The following MYCBP2 variants were observed in gnomAD, a reference collection of about 807,000 sequenced individuals.
MYCBP2 encodes MYC binding protein 2, also known as E3 ubiquitin-protein ligase MYCBP2.
A neutral mutation model predicts 525.3 loss-of-function variants in MYCBP2; 120 were observed. That is an observed-to-expected ratio of 0.23 (90% CI 0.20 to 0.27). The LOEUF is 0.27. Ranked by LOEUF, MYCBP2 falls within the 10% of genes least tolerant of loss-of-function variation. The probability of loss-of-function intolerance (pLI) is 1.00; values close to 1 mark genes in which losing one functional copy is unlikely to be tolerated. For synonymous variants in MYCBP2, 1,894 were observed against 1,955.8 expected (o/e 0.97, Z 0.83); for missense variants, 4,149 against 5,657.1 (o/e 0.73, Z 8.55).
intron 41 of MYCBP2, among the ~76,000 whole-genome samples, 158 bp from the exon 42 acceptor site, chr13:77,165,549 A>T (rs1247189508): frequency 6.6e-6 from 1 of 152,160 alleles, no homozygotes; most frequent in Non-Finnish European, 1.5e-5. Flanking sequence ...GAGCGTTCCT[A>T]TATCTACTTG....
chr13:77,077,357 C>T lies in MYCBP2; in HGVS notation c.11515G>A (p.Val3839Ile). ...TCCCCTCCTGGAAGTTCACTTGTTA[C>T]CCAGCCAATGTGCCTGGAATCCAGA... ...VDLDSRHIGW[V>I]TSELPGGDNH... The change falls in exon 67 of 83, where the codon GTA becomes ATA. Residue 3839 changes from valine to isoleucine, a missense_variant. Coordinates refer to ENST00000544440, the MANE Select transcript of MYCBP2 (RefSeq NM_015057.5). 6.2e-7 allele frequency: 1 copy of T among 1,613,966 alleles called. No individual in the cohort carries two copies. Among genetic ancestry groups the T allele is most frequent in the South Asian group, 1.1e-5 (1 of 91,086 alleles).
chr13:77,260,534 T>C lies in MYCBP2; in HGVS notation c.1911A>G (p.Gly637=), dbSNP rs1347563132. The C allele has an allele frequency of 6.2e-7, 1 of 1,610,992 alleles. No individual in the cohort carries two copies. Among genetic ancestry groups the C allele is most frequent in the Admixed American group, 1.7e-5 (1 of 59,498 alleles). Residue 637 remains glycine, a synonymous_variant, in exon 13 of 83, where the codon GGA becomes GGG. Transcript: ENST00000544440. ...TGCAGGCTGTATATACCACAATCTTTCCTTCCATCTTAATTATCTTTTTAG... is the reference window on the plus strand; with the variant it reads ...TGCAGGCTGTATATACCACAATCTTCCCTTCCATCTTAATTATCTTTTTAG... ...YKPKKIIKME[G]KIVVYTACNN... is the part of the protein sequence containing the mutation.
chr13:77,171,151 T>C (rs1354081536), intron 38 of MYCBP2, among the ~76,000 whole-genome samples: 2 of 152,128 alleles, frequency 1.3e-5, no homozygotes, highest in African/African-American at 4.8e-5. Flanking sequence ...GAGTTTTGGG[T>C]GGATAGCGAT....
intron 21 of MYCBP2, among the ~76,000 whole-genome samples, chr13:77,213,231 T>C (rs2064288101): frequency 6.6e-6 from 1 of 152,130 alleles, no homozygotes; most frequent in African/African-American, 2.4e-5. Flanking sequence ...TCCCAGCACT[T>C]TGGGAGGCCG....
At chr13:77,255,765 T>C (rs765195356) in intron 14 of MYCBP2, among the ~76,000 whole-genome samples, 13 of 151,912 alleles carry the variant, frequency 8.6e-5, no homozygotes, top group Non-Finnish European at 1.8e-4. Context: ...AGACAAAGAA[T>C]GGTGGGTTTC....
intron 4 of MYCBP2, among the ~76,000 whole-genome samples, chr13:77,274,716 A>G (rs900453809): frequency 3.3e-5 from 5 of 152,122 alleles, no homozygotes; most frequent in African/African-American, 9.7e-5. Context: ...CCATGCTATC[A>G]TCATCTCTTT....
chr13:77,159,804 G>T (rs982688634), intron 44 of MYCBP2, among the ~76,000 whole-genome samples: 1 of 152,054 alleles, frequency 6.6e-6, no homozygotes, highest in African/African-American at 2.4e-5. Flanking sequence ...CCAGCCTCAG[G>T]TAGTTCTTTA....
chr13:77,128,156 TAA>T (rs1227555237), intron 52 of MYCBP2, among the ~76,000 whole-genome samples: 1 of 151,930 alleles, frequency 6.6e-6, no homozygotes, highest in African/African-American at 2.4e-5. Flanking sequence ...GCACTCAAGA[TAA>T]AAATTGAGAG....
intron 62 of MYCBP2, among the ~76,000 whole-genome samples, chr13:77,084,550 G>A (rs1170700157): frequency 6.6e-6 from 1 of 152,102 alleles, no homozygotes; most frequent in Non-Finnish European, 1.5e-5. Context: ...TTAGACTGGG[G>A]TTATTTCAGT....
At position 77,068,723 on chromosome 13, in the gene MYCBP2, C is replaced by G; in HGVS notation, c.12013G>C (p.Glu4005Gln). Residue 4005 changes from glutamate (E) to glutamine (Q), a missense_variant, in exon 70 of 83, where the codon GAA becomes CAA. Physicochemically the swap from Glu to Gln is conservative, Grantham distance 29. This residue lies in a region of MYCBP2 where 64 missense variants were observed against 131.2 expected (regional missense o/e 0.49). Transcript: ENST00000544440. The stretch of plus-strand genomic sequence containing the variant: ...CAGTAGGCATCAGAGGAGGCATCTT[C>G]ATCATTTGGCTGAGAATTGGCATTT... ...KENANSQPND[E>Q]DASSDAYCFE... The G allele has an allele frequency of 1.9e-6, 3 of 1,614,176 alleles. No homozygotes were observed. Among genetic ancestry groups the G allele is most frequent in the Non-Finnish European group, 2.5e-6 (3 of 1,180,018 alleles).
intron 10 of MYCBP2, among the ~76,000 whole-genome samples, chr13:77,263,292 C>A (rs536244172): frequency 6.6e-6 from 1 of 151,832 alleles, no homozygotes; most frequent in Non-Finnish European, 1.5e-5. Flanking sequence ...ACATTTACAA[C>A]GTAAGTTTTC....
intron 55 of MYCBP2, among the ~76,000 whole-genome samples, chr13:77,109,443 G>A (rs1264414415): frequency 6.6e-6 from 1 of 152,208 alleles, no homozygotes; most frequent in East Asian, 1.9e-4. Flanking sequence ...GTTCCTAACA[G>A]GCCTTGGACC....
intron 8 of MYCBP2, among the ~76,000 whole-genome samples, chr13:77,265,867 G>C (rs1410599811): frequency 6.6e-6 from 1 of 152,100 alleles, no homozygotes; most frequent in Non-Finnish European, 1.5e-5. Flanking sequence ...TTTTAAGCTT[G>C]TATCTTCAGG....
intron 62 of MYCBP2, among the ~76,000 whole-genome samples, chr13:77,084,176 T>G (rs955032863): frequency 6.6e-6 from 1 of 152,184 alleles, no homozygotes; most frequent in Non-Finnish European, 1.5e-5. Context: ...CATGCATATA[T>G]GATAAGGAGA....
chr13:77,186,624 T>G (rs1318085825), intron 30 of MYCBP2, among the ~76,000 whole-genome samples: 1 of 152,020 alleles, frequency 6.6e-6, no homozygotes, highest in Admixed American at 6.6e-5. Context: ...AAATTCCTAT[T>G]TTGATTATTT....
At position 77,156,147 on chromosome 13, in the gene MYCBP2, T is replaced by C. The variant is rs1375406469; in HGVS notation, c.6826A>G (p.Lys2276Glu). Residue 2276 changes from lysine (K) to glutamate (E), a missense_variant, in exon 46 of 83, where the codon AAG becomes GAG. Transcript: ENST00000544440. ...GGCCAACCACAACGAATATCATCCT[T>C]ATTCAGGATCAAAGATGTTTTCTGA... is the stretch of plus-strand genomic sequence containing the variant. Reference protein sequence around the residue: ...DPQKTSLILNKDDIRCGWPTT... With the variant: ...DPQKTSLILNEDDIRCGWPTT... The C allele has an allele frequency of 6.2e-7, 1 of 1,614,026 alleles. No individual in the cohort carries two copies. The highest frequency in any genetic ancestry group is 8.5e-7 in the Non-Finnish European group (1 of 1,179,920).
chr13:77,151,570 T>C (rs1237898497), intron 46 of MYCBP2, among the ~76,000 whole-genome samples: 2 of 152,210 alleles, frequency 1.3e-5, no homozygotes, highest in African/African-American at 2.4e-5. Context: ...TCTTTAAGAA[T>C]AAAATGGGAC....
chr13:77,220,119 A>C (rs909468914), intron 20 of MYCBP2, among the ~76,000 whole-genome samples: 2 of 152,162 alleles, frequency 1.3e-5, no homozygotes, highest in African/African-American at 4.8e-5. Flanking sequence ...AGATTGATTC[A>C]TGTTTGCGGT....
intron 4 of MYCBP2, among the ~76,000 whole-genome samples, chr13:77,276,816 GTTTTT>G (rs397851660): frequency 1.3e-5 from 1 of 76,232 alleles, no homozygotes; most frequent in Non-Finnish European, 2.3e-5. Context: ...TCCATGCCCA[GTTTTT>G]TTTTTTTTTT....
Sources: gnomAD v4.1 joint callset for allele counts (sites outside exome capture counted in the v4.1 genomes callset) on GRCh38, gnomAD v4.1.1 for gene constraint, gnomAD v4.1.1 regional missense constraint, MANE v1.5 for transcripts, NCBI Gene and HGNC (gene_info 2026-07-23, HGNC 2026-07-21) for gene names.